Variants in SIM2 observed in about 807,000 individuals in gnomAD.
The protein encoded by SIM2 is single-minded homolog 2.
A neutral mutation model predicts 64.8 loss-of-function variants in SIM2; 28 were observed. That is an observed-to-expected ratio of 0.43 (90% confidence interval 0.32 to 0.59). SIM2 has a LOEUF of 0.59. Among genes scored for constraint, SIM2 ranks in the 20% least tolerant of loss-of-function variants. The pLI, the probability that SIM2 is intolerant of heterozygous loss-of-function variation, is 0.07. For missense variants in SIM2, 847 were observed against 871.4 expected (o/e 0.97, Z 0.35); for synonymous variants, 408 against 391.1 (o/e 1.04, Z -0.51).
chr21:36,730,855 A>T (rs548493353), intron 6 of SIM2, among the ~76,000 whole-genome samples, 190 bp from the exon 7 acceptor site: 1 of 152,224 alleles, frequency 6.6e-6, no homozygotes, highest in Non-Finnish European at 1.5e-5. Flanking sequence ...ATTCATGAAT[A>T]GTGCTACATC....
chr21:36,740,003 GAA>G (rs1221422320), intron 7 of SIM2, among the ~76,000 whole-genome samples: 189 of 119,042 alleles, frequency 1.6e-3, no homozygotes, highest in African/African-American at 2.2e-3. Flanking sequence ...AAGAAAGAAA[GAA>G]AGAGAGAAAG....
Position 36,719,856 on chromosome 21 carries a change from C to A in SIM2, c.384C>A (p.Ile128=). The A allele has an allele frequency of 6.2e-7, 1 of 1,613,016 alleles. No homozygotes were observed. Among genetic ancestry groups the A allele is most frequent in the East Asian group, 2.2e-5 (1 of 44,868 alleles). The stretch of plus-strand genomic sequence containing the variant: ...CGGGCAACAGTATTTATGAATACAT[C>A]CATCCTTCTGACCACGATGAGATGA... ...ELTGNSIYEY[I]HPSDHDEMTA... The change falls in exon 4 of 11, where the codon ATC becomes ATA. Residue 128 remains isoleucine (I), a synonymous_variant. Coordinates refer to ENST00000290399, the MANE Select transcript of SIM2 (RefSeq NM_005069.6).
Position 36,731,049 on chromosome 21 carries a change from AC to A in SIM2, c.750del (p.Glu251ArgfsTer2). 6.2e-7 allele frequency: 1 copy of A among 1,613,608 alleles called. No individual in the cohort carries two copies. The highest frequency in any genetic ancestry group is 8.5e-7 in the Non-Finnish European group (1 of 1,179,610). Reference protein sequence around the residue: ...LKLIFLDSRVTEVTGYEPQDL... With the variant: ...LKLIFLDSRVXEVTGYEPQDL... ...TGAGCTGCCATGCCCCCACAGGGTGACCGAGGTGACGGGGTACGAGCCGCAG... is the reference window on the plus strand; with the variant it reads ...TGAGCTGCCATGCCCCCACAGGGTGACGAGGTGACGGGGTACGAGCCGCAG... On this transcript the variant is annotated frameshift_variant, in exon 7 of 11. Transcript: ENST00000290399. LOFTEE classifies it high-confidence loss of function.
chr21:36,736,839 CTCTT>C (rs1568938329), intron 7 of SIM2, among the ~76,000 whole-genome samples: 2 of 95,726 alleles, frequency 2.1e-5, no homozygotes, highest in Non-Finnish European at 3.9e-5. Flanking sequence ...TTCTTTCTTT[CTCTT>C]TCTTTTCTTT....
At chr21:36,730,222 A>C (rs1003183893) in intron 6 of SIM2, among the ~76,000 whole-genome samples, 2 of 152,266 alleles carry the variant, frequency 1.3e-5, no homozygotes, top group African/African-American at 2.4e-5. Context: ...CAAGATGTGC[A>C]AACAACTGTC....
chr21:36,700,940 C>T (rs2088484804), intron 1 of SIM2, among the ~76,000 whole-genome samples: 1 of 152,248 alleles, frequency 6.6e-6, no homozygotes, highest in South Asian at 2.1e-4. Context: ...GCTGCCCCGC[C>T]GCCCACGCCG....
At position 36,731,138 on chromosome 21, in the gene SIM2, C is replaced by G; in HGVS notation, c.837C>G (p.Tyr279Ter). 1 of 1,613,598 alleles carries G rather than the reference C, an allele frequency of 6.2e-7. No individual in the cohort carries two copies. The highest frequency in any genetic ancestry group is 8.5e-7 in the Non-Finnish European group (1 of 1,179,758). ...GCTGCGACGTGTTCCACCTCCGCTA[C>G]GCACACCACCTCCGTGAGTAGCACG... is the stretch of plus-strand genomic sequence containing the variant. The part of the protein sequence containing the change: ...VHGCDVFHLR[Y>*]AHHLLLVKGQ... The change falls in exon 7 of 11, where the codon TAC (tyrosine) becomes TAG (stop). Residue 279 changes from tyrosine to a stop codon, truncating the protein, a stop_gained. Coordinates refer to ENST00000290399, the MANE Select transcript of SIM2 (RefSeq NM_005069.6). LOFTEE classifies it high-confidence loss of function.
At chr21:36,733,218 A>C (rs1568936480) in intron 7 of SIM2, among the ~76,000 whole-genome samples, 1 of 152,020 alleles carries the variant, frequency 6.6e-6, no homozygotes, top group Non-Finnish European at 1.5e-5. Context: ...AAACTGAGGG[A>C]ATCAAAAATC....
rs2088691377 is a variant in SIM2 at position 36,712,551 on chromosome 21, T to C, written c.277T>C (p.Phe93Leu). Reference protein sequence around the residue: ...HLLQTLDGFVFVVASDGKIMY... With the variant: ...HLLQTLDGFVLVVASDGKIMY... Reference sequence around the variant, plus strand: ...TTTACAGACTTTGGATGGATTTGTTTTTGTGGTAGCATCTGATGGCAAAAT... The same window carrying C: ...TTTACAGACTTTGGATGGATTTGTTCTTGTGGTAGCATCTGATGGCAAAAT... The change falls in exon 3 of 11, where the codon TTT becomes CTT. Residue 93 changes from phenylalanine to leucine, a missense_variant. Physicochemically the swap from Phe to Leu is conservative, Grantham distance 22. Around this residue, in one of 3 missense-constraint regions of SIM2, gnomAD observed 397 missense variants for 439.2 expected, o/e 0.90. Transcript: ENST00000290399. 2 of 1,612,688 alleles carry C rather than the reference T, an allele frequency of 1.2e-6. No homozygotes were observed. The highest frequency in any genetic ancestry group is 2.2e-5 in the South Asian group (2 of 91,030).
chr21:36,701,164 G>T (rs1429920555), intron 1 of SIM2: 2 of 152,630 alleles, frequency 1.3e-5, no homozygotes, highest in Non-Finnish European at 2.9e-5. Flanking sequence ...GGAGGGCTGC[G>T]CCGGCCTCTG....
chr21:36,747,666 G>A lies in SIM2; in HGVS notation c.1578G>A (p.Ala526=). ...CTAACGTGTCGCCTGTCCCCGCAGC[G>A]CCCGCCGCCGCCGTGCGCAGGTTCG... ...ARHSLVPSYE[A]PAAAVRRFGE... The change falls in exon 11 of 11, where the codon GCG becomes GCA. Residue 526 remains alanine (A), a splice_region_variant and synonymous_variant. Coordinates refer to ENST00000290399, the MANE Select transcript of SIM2 (RefSeq NM_005069.6). The surrounding 1 kb of genome is among the most constrained non-coding windows in gnomAD (Gnocchi z 4.5). 1 of 1,251,468 alleles carries A rather than the reference G, an allele frequency of 8.0e-7. No individual in the cohort carries two copies. The highest frequency in any genetic ancestry group is 1.0e-6 in the Non-Finnish European group (1 of 998,382). 77.5% of individuals were successfully genotyped at this position (1,251,468 alleles called of 1,614,324 possible).
At position 36,737,961 on chromosome 21, in the gene SIM2, C is replaced by CAAAAAAAAAAAAAAAAAAA. The variant is rs61252184; in HGVS notation, c.851-3753_851-3735dup. Among the ~76,000 whole-genome samples, 59 of 34,114 alleles carry CAAAAAAAAAAAAAAAAAAA rather than the reference C, an allele frequency of 1.7e-3. 4 individuals carry two copies. The highest frequency in any genetic ancestry group is 6.8e-3 in the East Asian group (7 of 1,022). The allele number at this position is 34,114 out of a possible 152,430, so 22.4% of individuals were successfully genotyped here. ...TGGGCAAAAGAGCAAGACCCTGTCT[C>CAAAAAAAAAAAAAAAAAAA]AAAAAAAAAAAAAAAAAAAAAGCAA... is the stretch of plus-strand genomic sequence containing the variant. On this transcript the variant is annotated intron_variant, in intron 7 of 10. Coordinates refer to ENST00000290399, the MANE Select transcript of SIM2 (RefSeq NM_005069.6).
At position 36,743,549 on chromosome 21, in the gene SIM2, C is replaced by G. The variant is rs756174339; in HGVS notation, c.1161C>G (p.Pro387=). ...MKTKLRTNPY[P]PQQYSSFQMD... Reference sequence around the variant, plus strand: ...CAAAGCTGAGAACAAACCCTTACCCCCCACAGGTAACACGCATGTCCTGCA... The same window carrying G: ...CAAAGCTGAGAACAAACCCTTACCCGCCACAGGTAACACGCATGTCCTGCA... The change falls in exon 9 of 11, where the codon CCC becomes CCG. Residue 387 remains proline, a synonymous_variant. Coordinates refer to ENST00000290399, the MANE Select transcript of SIM2 (RefSeq NM_005069.6). The G allele has an allele frequency of 1.1e-5, 18 of 1,613,288 alleles. No homozygotes were observed. The highest frequency in any genetic ancestry group is 1.0e-4 in the Admixed American group (6 of 59,972).
At chr21:36,729,640 G>A (rs1420601043) in intron 6 of SIM2, among the ~76,000 whole-genome samples, 2 of 141,654 alleles carry the variant, frequency 1.4e-5, no homozygotes, top group African/African-American at 5.1e-5. Flanking sequence ...CTCTTTCCCC[G>A]ACCTCACCCG....
At chr21:36,715,972 A>G (rs1270856579) in intron 3 of SIM2, among the ~76,000 whole-genome samples, 1 of 152,224 alleles carries the variant, frequency 6.6e-6, no homozygotes, top group Non-Finnish European at 1.5e-5. Flanking sequence ...AAACAATGAC[A>G]GAGACAACCA....
intron 7 of SIM2, among the ~76,000 whole-genome samples, chr21:36,737,090 C>T (rs913453582): frequency 2.6e-5 from 4 of 152,058 alleles, no homozygotes; most frequent in Non-Finnish European, 1.5e-5. Flanking sequence ...CCATACCCAG[C>T]GAATTTTTAA....
intron 1 of SIM2, among the ~76,000 whole-genome samples, chr21:36,708,619 C>T (rs1473628325): frequency 1.3e-5 from 2 of 152,150 alleles, no homozygotes; most frequent in African/African-American, 4.8e-5. Flanking sequence ...AGCTGGGAAG[C>T]CCAAGGGGTA....
At chr21:36,723,423 C>T (rs574256254) in intron 5 of SIM2, among the ~76,000 whole-genome samples, 4 of 152,140 alleles carry the variant, frequency 2.6e-5, no homozygotes, top group African/African-American at 9.7e-5. Flanking sequence ...GTGGAGCCAC[C>T]GCCTCTGGAG....
rs2089256994 is a variant in SIM2 at position 36,747,991 on chromosome 21, G to T, written c.1903G>T (p.Ala635Ser). 1 of 1,079,952 alleles carries T rather than the reference G, an allele frequency of 9.3e-7. No homozygotes were observed. The highest frequency in any genetic ancestry group is 1.1e-6 in the Non-Finnish European group (1 of 892,390). The allele number at this position is 1,079,952 out of a possible 1,614,324, so 66.9% of individuals were successfully genotyped here. ...APGGPEAATG[A>S]LRLRHPSPAA... Reference sequence around the variant, plus strand: ...CGGCGGCCCCGAGGCGGCGACCGGCGCGCTGCGGCTCCGGCACCCGAGCCC... The same window carrying T: ...CGGCGGCCCCGAGGCGGCGACCGGCTCGCTGCGGCTCCGGCACCCGAGCCC... Residue 635 changes from alanine (A) to serine (S), a missense_variant, in exon 11 of 11, where the codon GCG becomes TCG. This residue lies in a region of SIM2 where 447 missense variants were observed against 414.6 expected (regional missense o/e 1.08). Coordinates refer to ENST00000290399, the MANE Select transcript of SIM2 (RefSeq NM_005069.6). The surrounding 1 kb of genome is among the most constrained non-coding windows in gnomAD (Gnocchi z 4.5).
Sources: allele counts gnomAD v4.1 joint callset (sites outside exome capture counted in the v4.1 genomes callset), GRCh38; gene constraint gnomAD v4.1.1; regional missense constraint gnomAD v4.1.1; non-coding constraint Gnocchi (gnomAD v3.1); transcripts MANE v1.5; gene names NCBI Gene and HGNC (gene_info 2026-07-23, HGNC 2026-07-21).